Variants in FHOD3 observed in about 807,000 individuals in gnomAD.
The protein encoded by FHOD3 is FH1/FH2 domain-containing protein 3.
Under a neutral mutation model 173.0 loss-of-function variants are expected in FHOD3, and 90 were observed. That is an observed-to-expected ratio of 0.52 (90% confidence interval 0.44 to 0.62). The LOEUF (loss-of-function observed/expected upper bound fraction) is 0.62, where lower values mean the gene tolerates loss of function less well. Among genes scored for constraint, FHOD3 ranks in the 20% least tolerant of loss-of-function variants. FHOD3 has a pLI of 0.00. For missense variants in FHOD3, 1,945 were observed against 2,034.7 expected, an observed-to-expected ratio of 0.96 and a Z score of 0.85; for synonymous variants, 828 against 823.0, an observed-to-expected ratio of 1.01 and a Z score of -0.10.
At chr18:36,322,343 G>T (rs1201016548) in intron 1 of FHOD3, among the ~76,000 whole-genome samples, 1 of 152,152 alleles carries the variant, frequency 6.6e-6, no homozygotes, top group Non-Finnish European at 1.5e-5. Flanking sequence ...ACCTCCTCTC[G>T]AGAGGGTTAT....
At position 36,476,446 on chromosome 18, in the gene FHOD3, G is replaced by A. The variant is rs141359110; in HGVS notation, c.338-25486G>A. 2.2e-4 allele frequency among the ~76,000 whole-genome samples: 33 copies of A among 152,318 alleles called. 1 individual carries two copies. In the East Asian group the frequency reaches 6.4e-3, roughly 29 times the overall value. On this transcript the variant is annotated intron_variant, in intron 3 of 28. Coordinates refer to ENST00000590592, the MANE Select transcript of FHOD3 (RefSeq NM_001281740.3). ...CAGGCGAGCTCCTCATGCCCACAGA[G>A]GGCAGGCAGGGCAGCAGAGTGAAAG...
intron 3 of FHOD3, among the ~76,000 whole-genome samples, chr18:36,382,137 C>T (rs1033138650): frequency 2.6e-5 from 4 of 152,202 alleles, no homozygotes; most frequent in Non-Finnish European, 4.4e-5. Flanking sequence ...CTCCATGGAA[C>T]AGCTTTTGTG....
chr18:36,580,095 T>G (rs2058792596), intron 6 of FHOD3, among the ~76,000 whole-genome samples: 1 of 152,212 alleles, frequency 6.6e-6, no homozygotes, highest in Admixed American at 6.5e-5. Flanking sequence ...TTATTGCATT[T>G]CTAAATAACA....
chr18:36,504,976 A>T (rs551458850), intron 4 of FHOD3, among the ~76,000 whole-genome samples: 1 of 152,320 alleles, frequency 6.6e-6, no homozygotes, highest in South Asian at 2.1e-4. Context: ...CAAGGAAAAA[A>T]GAACCTCCTG....
intron 3 of FHOD3, among the ~76,000 whole-genome samples, chr18:36,472,888 G>A (rs2053363035): frequency 6.6e-6 from 1 of 152,178 alleles, no homozygotes; most frequent in Admixed American, 6.5e-5. Context: ...GGCATAAAGA[G>A]CTGGAATTTG....
chr18:36,458,665 G>GT (rs2052366991), intron 3 of FHOD3, among the ~76,000 whole-genome samples: 2 of 130,886 alleles, frequency 1.5e-5, no homozygotes, highest in African/African-American at 3.2e-5. Context: ...TTTTTTGTTA[G>GT]GTTTTTTTTT....
At chr18:36,658,040 CT>C (rs1484024767) in intron 13 of FHOD3, 34 bp from the exon 14 acceptor site, 5 of 1,470,524 alleles carry the variant, frequency 3.4e-6, no homozygotes, top group East Asian at 2.3e-5. Context: ...TTTCTCTATC[CT>C]TTTCCCCCCA....
chr18:36,553,000 C>G (rs1443977440), intron 5 of FHOD3, among the ~76,000 whole-genome samples: 1 of 152,064 alleles, frequency 6.6e-6, no homozygotes, highest in South Asian at 2.1e-4. Context: ...CCCATCAATA[C>G]CTAGTTTATT....
intron 2 of FHOD3, among the ~76,000 whole-genome samples, chr18:36,372,166 CT>C (rs2047224789): frequency 5.3e-5 from 8 of 152,156 alleles, no homozygotes. Flanking sequence ...TGTAAGCCTT[CT>C]TTTGTAGATT....
At chr18:36,427,964 A>T (rs2050339613) in intron 3 of FHOD3, among the ~76,000 whole-genome samples, 1 of 152,228 alleles carries the variant, frequency 6.6e-6, no homozygotes, top group African/African-American at 2.4e-5. Flanking sequence ...TGAACAAGGC[A>T]TGTTGTAGAT....
chr18:36,498,222 T>A (rs2054846085), intron 3 of FHOD3, among the ~76,000 whole-genome samples: 1 of 152,160 alleles, frequency 6.6e-6, no homozygotes, highest in Non-Finnish European at 1.5e-5. Flanking sequence ...TACTTAGAGA[T>A]GAACTTATAG....
intron 3 of FHOD3, among the ~76,000 whole-genome samples, chr18:36,466,114 C>G (rs904142919): frequency 6.6e-6 from 1 of 152,178 alleles, no homozygotes; most frequent in East Asian, 1.9e-4. Context: ...ATGTTACTCT[C>G]CTGCAGAGAG....
At chr18:36,422,712 G>A (rs917494954) in intron 3 of FHOD3, among the ~76,000 whole-genome samples, 1 of 152,172 alleles carries the variant, frequency 6.6e-6, no homozygotes, top group Non-Finnish European at 1.5e-5. Flanking sequence ...GGCTGAGAAA[G>A]CCTTTTTGAG....
intron 1 of FHOD3, among the ~76,000 whole-genome samples, chr18:36,336,682 C>CA (rs35621641): frequency 2.5e-4 from 34 of 135,842 alleles, no homozygotes; most frequent in South Asian, 9.5e-4. Context: ...GCTAAAAATA[C>CA]AAAAAAAAAA....
rs1271928034 is a variant in FHOD3, at chr18:36,767,893, T to C, written c.4625-1372T>C. On this transcript the variant is annotated intron_variant, in intron 27 of 28. Transcript: ENST00000590592. ...GATCCACTGTTCCCAACCATTTCCATTGATATCTATTTTTTCTTGGTTCAT... is the reference window on the plus strand; with the variant it reads ...GATCCACTGTTCCCAACCATTTCCACTGATATCTATTTTTTCTTGGTTCAT... Among the ~76,000 whole-genome samples the C allele has an allele frequency of 7.9e-5, 12 of 152,150 alleles. No individual in the cohort carries two copies. The East Asian group carries it at 2.3e-3, about 29-fold the overall frequency.
chr18:36,448,963 A>G (rs917190183), intron 3 of FHOD3, among the ~76,000 whole-genome samples: 6 of 134,770 alleles, frequency 4.5e-5, no homozygotes, highest in African/African-American at 1.7e-4. Flanking sequence ...CCCCCTCCCT[A>G]CTTTCCTTTT....
intron 1 of FHOD3, among the ~76,000 whole-genome samples, chr18:36,332,296 AG>A (rs2045057735): frequency 6.6e-6 from 1 of 152,204 alleles, no homozygotes; most frequent in Admixed American, 6.5e-5. Context: ...ACCTTGCTCC[AG>A]GTGGCCCTAT....
chr18:36,547,678 G>A (rs1488314179), intron 5 of FHOD3, among the ~76,000 whole-genome samples: 1 of 152,208 alleles, frequency 6.6e-6, no homozygotes, highest in Non-Finnish European at 1.5e-5. Context: ...AAACCTTAGA[G>A]AAATTCGGGA....
intron 3 of FHOD3, among the ~76,000 whole-genome samples, chr18:36,389,180 AAAAAAG>A (rs1399381797): frequency 6.6e-6 from 1 of 152,230 alleles, no homozygotes; most frequent in African/African-American, 2.4e-5. Context: ...ATGCTTCAAA[AAAAAAG>A]AAGAAGAAGA....
Sources: allele counts gnomAD v4.1 joint callset (sites outside exome capture counted in the v4.1 genomes callset), GRCh38; gene constraint gnomAD v4.1.1; transcripts MANE v1.5; gene names NCBI Gene and HGNC (gene_info 2026-07-23, HGNC 2026-07-21).